The following ASNS variants were observed in gnomAD, a reference collection of about 807,000 sequenced individuals.
The protein encoded by ASNS is asparagine synthetase (glutamine-hydrolyzing).
A neutral mutation model predicts 62.6 loss-of-function variants in ASNS; 37 were observed. The observed-to-expected ratio is 0.59, with a 90% CI of 0.45 to 0.78. The LOEUF (loss-of-function observed/expected upper bound fraction) is 0.78, where lower values mean the gene tolerates loss of function less well. Among genes scored for constraint, ASNS ranks in the 30% least tolerant of loss-of-function variants. The pLI is 0.00. For synonymous variants in ASNS, 207 were observed against 237.9 expected, an observed-to-expected ratio of 0.87 and a Z score of 1.19; for missense variants, 520 against 682.4, an observed-to-expected ratio of 0.76 and a Z score of 2.65.
the ASNS span, among the ~76,000 whole-genome samples, chr7:97,924,440 G>A: frequency 4.6e-5 from 7 of 152,162 alleles, no homozygotes; most frequent in Admixed American, 2.6e-4. Context: ...TTGAAAGATC[G>A]TCACCAGGGA....
At chr7:97,857,105 C>T (rs370499784) in intron 7 of ASNS, among the ~76,000 whole-genome samples, 2 of 152,304 alleles carry the variant, frequency 1.3e-5, no homozygotes, top group African/African-American at 2.4e-5. Context: ...TTTTACCTAA[C>T]CCACCTCATC....
At chr7:97,920,164 C>T in the ASNS span, among the ~76,000 whole-genome samples, 18 of 152,046 alleles carry the variant, frequency 1.2e-4, no homozygotes, top group Admixed American at 1.1e-3. Context: ...TCACCATGGC[C>T]GGCTAATTAT....
At chr7:97,904,460 T>C in the ASNS span, among the ~76,000 whole-genome samples, 1 of 152,094 alleles carries the variant, frequency 6.6e-6, no homozygotes, top group Non-Finnish European at 1.5e-5. Flanking sequence ...TGTGGGGTGC[T>C]CTGTTTCCCA....
In ASNS at chr7:97,864,428, G is replaced by T; in HGVS notation, c.318C>A (p.Asp106Glu). The T allele has an allele frequency of 6.2e-7, 1 of 1,613,902 alleles. No individual in the cohort carries two copies. Reference sequence around the variant, plus strand: ...AAATTGTTTGCTCAATTCCTCCTTTGTCATAAAGATGAAGGATTATCTCAC... The same window carrying T: ...AAATTGTTTGCTCAATTCCTCCTTTTTCATAAAGATGAAGGATTATCTCAC... Reference protein sequence around the residue: ...VDGEIILHLYDKGGIEQTICM... With the variant: ...VDGEIILHLYEKGGIEQTICM... Residue 106 changes from aspartate to glutamate, a missense_variant, in exon 4 of 13, where the codon GAC (aspartate) becomes GAA (glutamate). By Grantham distance (45) the Asp-to-Glu change is conservative. Transcript: ENST00000394308.
At chr7:97,880,542 A>C in the ASNS span, among the ~76,000 whole-genome samples, 8 of 152,210 alleles carry the variant, frequency 5.3e-5, no homozygotes, top group African/African-American at 1.7e-4. Context: ...AATAGTTCCC[A>C]GGTCACTGCC....
chr7:97,918,324 A>G, the ASNS span, among the ~76,000 whole-genome samples: 1 of 152,190 alleles, frequency 6.6e-6, no homozygotes, highest in Non-Finnish European at 1.5e-5. Context: ...TAGACAGCCC[A>G]CCTCCAGGAA....
chr7:97,878,994 T>A, the ASNS span, among the ~76,000 whole-genome samples: 5 of 152,236 alleles, frequency 3.3e-5, no homozygotes, highest in Admixed American at 3.3e-4. Context: ...AATGCTACAT[T>A]ATCTACAACT....
the ASNS span, among the ~76,000 whole-genome samples, chr7:97,892,793 A>G: frequency 6.6e-6 from 1 of 152,240 alleles, no homozygotes; most frequent in Admixed American, 6.5e-5. Context: ...TTTATTGTCC[A>G]TATAACCATC....
intron 4 of ASNS, among the ~76,000 whole-genome samples, chr7:97,860,368 T>C (rs1480901233): frequency 6.6e-6 from 1 of 152,192 alleles, no homozygotes; most frequent in Non-Finnish European, 1.5e-5. Flanking sequence ...AATTAAGGAA[T>C]TTCAGAGGGT....
the ASNS span, among the ~76,000 whole-genome samples, chr7:97,888,527 T>C: frequency 4.5e-4 from 68 of 152,334 alleles, no homozygotes; most frequent in African/African-American, 1.5e-3. Flanking sequence ...GGCACCACTG[T>C]GTCACTACGA....
chr7:97,895,121 T>A, the ASNS span, among the ~76,000 whole-genome samples: 1 of 152,214 alleles, frequency 6.6e-6, no homozygotes, highest in African/African-American at 2.4e-5. Flanking sequence ...AGGCAAAAAC[T>A]ATCTGATCAT....
the ASNS span, among the ~76,000 whole-genome samples, chr7:97,927,852 A>G: frequency 6.6e-6 from 1 of 152,278 alleles, no homozygotes; most frequent in Admixed American, 6.5e-5. Flanking sequence ...TGTCACCATG[A>G]GCAAGCCTCC....
intron 5 of ASNS, 114 bp downstream of exon 5, chr7:97,859,097 CAA>C: frequency 2.1e-6 from 3 of 1,434,612 alleles, no homozygotes; most frequent in East Asian, 2.3e-5. Flanking sequence ...GTGTTCCCTC[CAA>C]ACAAAATAGG....
At chr7:97,875,916 G>A (rs932208080), upstream of ASNS, among the ~76,000 whole-genome samples, 2 of 151,876 alleles carry the variant, frequency 1.3e-5, no homozygotes, top group Non-Finnish European at 2.9e-5. Flanking sequence ...GAGTGCAGTG[G>A]CATGATCATG....
chr7:97,907,479 A>G, the ASNS span, among the ~76,000 whole-genome samples: 1 of 152,166 alleles, frequency 6.6e-6, no homozygotes, highest in Non-Finnish European at 1.5e-5. Context: ...ACAAAGCACA[A>G]TGAGGCTGGG....
Position 97,858,922 on chromosome 7 carries a change from C to T in ASNS, c.707G>A (p.Arg236Lys). The T allele has an allele frequency of 6.2e-7, 1 of 1,613,520 alleles. No homozygotes were observed. The stretch of plus-strand genomic sequence containing the variant: ...CTTTACAGCATTATTAAAAAGGATC[C>T]TGAGGTTGTTCTTCACAGTTTCTAT... ...FEIETVKNNL[R>K]ILFNNAVKKR... The change falls in exon 6 of 13, where the codon AGG becomes AAG. Residue 236 changes from arginine (R) to lysine (K), a missense_variant. Arg to Lys is a conservative substitution (Grantham distance 26, BLOSUM62 2). Transcript: ENST00000394308.
intron 4 of ASNS, 51 bp downstream of exon 4, chr7:97,864,208 A>G: frequency 6.7e-7 from 1 of 1,492,018 alleles, no homozygotes; most frequent in Middle Eastern, 1.8e-4. Context: ...ATTTAAAAGA[A>G]AACGTACAAC....
At chr7:97,872,571 G>A (rs1439524401), upstream of ASNS, 2 of 152,332 alleles carry the variant, frequency 1.3e-5, no homozygotes, top group African/African-American at 2.4e-5. Context: ...GCGCAAGGAG[G>A]AGCTCTTTTG....
chr7:97,857,238 T>A (rs768746535), intron 7 of ASNS, among the ~76,000 whole-genome samples: 1 of 152,204 alleles, frequency 6.6e-6, no homozygotes, highest in Non-Finnish European at 1.5e-5. Flanking sequence ...TCTGCTTTCC[T>A]TGGCTATTTT....
Sources: allele counts gnomAD v4.1 joint callset (sites outside exome capture counted in the v4.1 genomes callset), GRCh38; gene constraint gnomAD v4.1.1; transcripts MANE v1.5; gene names NCBI Gene and HGNC (gene_info 2026-07-23, HGNC 2026-07-21).